Variants in CHSY3 observed in about 807,000 individuals in gnomAD.
CHSY3 encodes the protein chondroitin sulfate synthase 3.
A neutral mutation model predicts 67.2 loss-of-function variants in CHSY3; 35 were observed. That is an observed-to-expected ratio of 0.52 (90% CI 0.40 to 0.69). The LOEUF is 0.69. Ranked by LOEUF, CHSY3 falls within the 30% of genes least tolerant of loss-of-function variation. The pLI, the probability that CHSY3 is intolerant of heterozygous loss-of-function variation, is 0.00. For synonymous variants in CHSY3, 474 were observed against 434.7 expected (o/e 1.09, Z -1.12); for missense variants, 1,069 against 1,138.5 (o/e 0.94, Z 0.88).
chr5:130,059,845 G>C (rs927264400), intron 2 of CHSY3, among the ~76,000 whole-genome samples: 1 of 152,102 alleles, frequency 6.6e-6, no homozygotes, highest in African/African-American at 2.4e-5. Context: ...ATATATGCCA[G>C]ATGAACTTTA....
At chr5:129,986,656 T>A (rs1459774088) in intron 2 of CHSY3, among the ~76,000 whole-genome samples, 1 of 152,146 alleles carries the variant, frequency 6.6e-6, no homozygotes, top group Non-Finnish European at 1.5e-5. Flanking sequence ...ATTTATTTAT[T>A]TATTGAGACA....
intron 2 of CHSY3, among the ~76,000 whole-genome samples, chr5:130,154,835 C>T (rs1038981641): frequency 6.6e-6 from 1 of 152,034 alleles, no homozygotes; most frequent in African/African-American, 2.4e-5. Context: ...AAAGATCTTC[C>T]TAGGAAGGTA....
intron 2 of CHSY3, among the ~76,000 whole-genome samples, chr5:130,003,090 G>C (rs1055412832): frequency 3.3e-5 from 5 of 152,182 alleles, no homozygotes; most frequent in African/African-American, 1.2e-4. Flanking sequence ...AACAGCTGCA[G>C]ATCAGATATG....
At chr5:130,170,104 G>A (rs2863825) in intron 2 of CHSY3, among the ~76,000 whole-genome samples, 11,718 of 151,992 alleles carry the variant, frequency 0.077, 1,234 homozygotes, top group African/African-American at 0.23. Context: ...TACTGTATCC[G>A]AAAGATAATT....
intron 2 of CHSY3, among the ~76,000 whole-genome samples, chr5:130,153,628 G>A (rs1448561742): frequency 6.6e-6 from 1 of 152,000 alleles, no homozygotes; most frequent in Non-Finnish European, 1.5e-5. Context: ...GCATCACACT[G>A]TGCTTCCTCC....
intron 2 of CHSY3, among the ~76,000 whole-genome samples, chr5:129,922,285 G>A (rs950561038): frequency 8.5e-5 from 13 of 152,192 alleles, no homozygotes; most frequent in Non-Finnish European, 1.5e-4. Context: ...GGGTAATTCC[G>A]TAATAAACAT....
chr5:129,930,575 G>A (rs150587004), intron 2 of CHSY3, among the ~76,000 whole-genome samples: 5 of 150,352 alleles, frequency 3.3e-5, no homozygotes, highest in African/African-American at 9.8e-5. Context: ...GAGAAGGAAT[G>A]AAACAAGGTG....
rs146384055 is a variant in CHSY3 at position 129,905,573 on chromosome 5, C to T, written c.744C>T (p.Asp248=). ...KSFMMIKYMH[D]HYLDKYEWFM... is the part of the protein sequence containing the mutation. ...TCATGATGATCAAGTACATGCACGA[C>T]CACTACCTGGACAAGTATGAGTGGT... The change falls in exon 1 of 3, where the codon GAC becomes GAT. Residue 248 remains aspartate, a synonymous_variant. Coordinates refer to ENST00000305031, the MANE Select transcript of CHSY3 (RefSeq NM_175856.5). The T allele has an allele frequency of 5.6e-6, 9 of 1,613,812 alleles. No homozygotes were observed. The highest frequency in any genetic ancestry group is 5.9e-6 in the Non-Finnish European group (7 of 1,180,034).
At chr5:130,077,313 G>A (rs927079060) in intron 2 of CHSY3, among the ~76,000 whole-genome samples, 1 of 151,958 alleles carries the variant, frequency 6.6e-6, no homozygotes, top group African/African-American at 2.4e-5. Flanking sequence ...GTTTACGGTA[G>A]TAATGTATAT....
chr5:129,946,795 A>C (rs772832282), intron 2 of CHSY3, among the ~76,000 whole-genome samples: 4 of 152,178 alleles, frequency 2.6e-5, no homozygotes, highest in African/African-American at 4.8e-5. Context: ...ATTTCATTGT[A>C]TATACTTGAC....
At chr5:130,001,917 T>C (rs1482655243) in intron 2 of CHSY3, 1 of 882,882 alleles carries the variant, frequency 1.1e-6, no homozygotes, top group African/African-American at 1.8e-5. Context: ...CACTTAAAAT[T>C]CTGGCTAGTT....
chr5:129,929,920 T>C (rs765559866), intron 2 of CHSY3, among the ~76,000 whole-genome samples: 3 of 152,200 alleles, frequency 2.0e-5, no homozygotes, highest in Non-Finnish European at 4.4e-5. Flanking sequence ...ATAATCTCTT[T>C]AGAAAGGTAC....
At chr5:130,028,697 C>T (rs754560137) in intron 2 of CHSY3, among the ~76,000 whole-genome samples, 9 of 152,052 alleles carry the variant, frequency 5.9e-5, no homozygotes, top group Non-Finnish European at 1.0e-4. Context: ...GAAAAAATCT[C>T]TGTCTCTGTC....
chr5:130,112,166 T>G (rs927266119), intron 2 of CHSY3, among the ~76,000 whole-genome samples: 1 of 152,088 alleles, frequency 6.6e-6, no homozygotes, highest in African/African-American at 2.4e-5. Flanking sequence ...AGTACTATAA[T>G]TGGAGATATC....
chr5:129,981,977 T>C (rs1382065428), intron 2 of CHSY3, among the ~76,000 whole-genome samples: 1 of 152,180 alleles, frequency 6.6e-6, no homozygotes, highest in Non-Finnish European at 1.5e-5. Flanking sequence ...TTCTTTAACC[T>C]GTTGATGTGC....
At chr5:130,177,710 G>T (rs1175477249) in intron 2 of CHSY3, among the ~76,000 whole-genome samples, 1 of 152,080 alleles carries the variant, frequency 6.6e-6, no homozygotes, top group Non-Finnish European at 1.5e-5. Context: ...TTTCACAGTG[G>T]TGTGCTTCAT....
chr5:130,017,996 T>A (rs967471251), intron 2 of CHSY3, among the ~76,000 whole-genome samples: 1 of 152,204 alleles, frequency 6.6e-6, no homozygotes, highest in Non-Finnish European at 1.5e-5. Flanking sequence ...TCGGTTTCTG[T>A]GCCCACTGTC....
chr5:130,040,654 T>G (rs553418161), intron 2 of CHSY3, among the ~76,000 whole-genome samples: 2 of 152,070 alleles, frequency 1.3e-5, no homozygotes, highest in South Asian at 4.1e-4. Context: ...ATCAGAAAGG[T>G]AAACAATTTG....
chr5:130,017,479 G>A (rs886736043), intron 2 of CHSY3, among the ~76,000 whole-genome samples: 21 of 151,978 alleles, frequency 1.4e-4, no homozygotes, highest in Non-Finnish European at 4.4e-5. Context: ...GGAAGGCTGG[G>A]GTAGCGTACT....
Sources: gnomAD v4.1 joint callset for allele counts (sites outside exome capture counted in the v4.1 genomes callset) on GRCh38, gnomAD v4.1.1 for gene constraint, MANE v1.5 for transcripts, NCBI Gene and HGNC (gene_info 2026-07-23, HGNC 2026-07-21) for gene names.